Variants in NPFFR2 observed in about 807,000 individuals in gnomAD.
The protein encoded by NPFFR2 is G-protein coupled receptor 74.
A neutral mutation model predicts 13.1 loss-of-function variants in NPFFR2; 15 were observed. That is an observed-to-expected ratio of 1.15 (90% CI 0.77 to 1.76). The LOEUF is 1.76. NPFFR2 is among the 40% of genes most tolerant of loss of function. NPFFR2 has a pLI of 0.00. For missense variants in NPFFR2, 572 were observed against 503.5 expected (o/e 1.14, Z -1.30); for synonymous variants, 190 against 175.7 (o/e 1.08, Z -0.65).
chr4:72,143,061 C>T (rs1236261354), intron 3 of NPFFR2, among the ~76,000 whole-genome samples: 1 of 152,088 alleles, frequency 6.6e-6, no homozygotes, highest in Non-Finnish European at 1.5e-5. Flanking sequence ...CTGGAGAAGT[C>T]AGAAATTTAC....
intron 1 of NPFFR2, among the ~76,000 whole-genome samples, chr4:72,094,440 A>G (rs917972886): frequency 4.6e-5 from 7 of 152,156 alleles, no homozygotes; most frequent in Admixed American, 3.3e-4. Context: ...CTTTGTCTTC[A>G]GCTACCAGGG....
At chr4:72,110,381 G>A (rs1721532552) in intron 1 of NPFFR2, among the ~76,000 whole-genome samples, 1 of 151,936 alleles carries the variant, frequency 6.6e-6, no homozygotes, top group African/African-American at 2.4e-5. Flanking sequence ...TCTCAAATAT[G>A]TCTTTATTAG....
At chr4:72,125,389 T>C (rs539789758) in intron 1 of NPFFR2, among the ~76,000 whole-genome samples, 2 of 152,236 alleles carry the variant, frequency 1.3e-5, no homozygotes, top group East Asian at 1.9e-4. Flanking sequence ...ACTATGTATA[T>C]AGAAAGTCCA....
At chr4:72,146,857 C>T (rs1345961401) in intron 3 of NPFFR2, 121 bp from the exon 4 acceptor site, 2 of 678,002 alleles carry the variant, frequency 2.9e-6, no homozygotes, top group Admixed American at 5.0e-5. Flanking sequence ...CAAATGGTAA[C>T]TTTCTATATT....
chr4:72,042,269 A>G (rs1578417274), intron 1 of NPFFR2, among the ~76,000 whole-genome samples: 1 of 152,106 alleles, frequency 6.6e-6, no homozygotes, highest in African/African-American at 2.4e-5. Flanking sequence ...CATAATTGTA[A>G]GTTTTCTGAG....
At chr4:72,078,410 G>A (rs991566256) in intron 1 of NPFFR2, among the ~76,000 whole-genome samples, 1 of 152,126 alleles carries the variant, frequency 6.6e-6, no homozygotes, top group Non-Finnish European at 1.5e-5. Flanking sequence ...AACAAAAAAC[G>A]ATTAGCATGA....
intron 1 of NPFFR2, among the ~76,000 whole-genome samples, chr4:72,076,326 G>T (rs1008283206): frequency 6.6e-6 from 1 of 151,822 alleles, no homozygotes; most frequent in African/African-American, 2.4e-5. Context: ...TGTATTTTTG[G>T]TATTTTGAGA....
chr4:72,062,918 G>A (rs1296883931), intron 1 of NPFFR2, among the ~76,000 whole-genome samples: 2 of 148,108 alleles, frequency 1.4e-5, no homozygotes, highest in African/African-American at 5.0e-5. Flanking sequence ...CTTCATATTA[G>A]TTGAATTTCT....
At chr4:72,049,823 A>G (rs1719489975) in intron 1 of NPFFR2, among the ~76,000 whole-genome samples, 1 of 152,154 alleles carries the variant, frequency 6.6e-6, no homozygotes, top group Non-Finnish European at 1.5e-5. Context: ...AGCACCTTTT[A>G]TTATAATGTA....
intron 1 of NPFFR2, among the ~76,000 whole-genome samples, chr4:72,048,588 A>T (rs1271715759): frequency 6.6e-6 from 1 of 152,038 alleles, no homozygotes; most frequent in Non-Finnish European, 1.5e-5. Flanking sequence ...TAAAAGAGAA[A>T]CATCTATATT....
chr4:72,054,392 CT>C (rs1480204527), intron 1 of NPFFR2, among the ~76,000 whole-genome samples: 1 of 151,816 alleles, frequency 6.6e-6, no homozygotes, highest in Non-Finnish European at 1.5e-5. Flanking sequence ...AAAGGTTAAT[CT>C]TTTCAATAAA....
intron 2 of NPFFR2, 86 bp downstream of exon 2, chr4:72,129,005 CATTT>C: frequency 1.0e-6 from 1 of 1,003,702 alleles, no homozygotes. Flanking sequence ...TTCATTCATT[CATTT>C]ATTTACATAT....
chr4:72,105,510 A>G (rs980217483), intron 1 of NPFFR2, among the ~76,000 whole-genome samples: 2 of 152,022 alleles, frequency 1.3e-5, no homozygotes, highest in Non-Finnish European at 2.9e-5. Context: ...TCTCAATCTA[A>G]GAGTATTCTA....
At chr4:72,105,157 A>T (rs1208804157) in intron 1 of NPFFR2, among the ~76,000 whole-genome samples, 1 of 151,778 alleles carries the variant, frequency 6.6e-6, no homozygotes, top group Non-Finnish European at 1.5e-5. Flanking sequence ...GAAAGTAGCC[A>T]ATAAAAATGA....
chr4:72,128,507 C>T, intron 1 of NPFFR2, 78 bp from the exon 2 acceptor site: 2 of 796,280 alleles, frequency 2.5e-6, no homozygotes, highest in Non-Finnish European at 3.9e-6. Context: ...TACAAGTGTT[C>T]CTCTTAAACT....
At chr4:72,069,001 G>C in intron 1 of NPFFR2, 1 of 1,372,022 alleles carries the variant, frequency 7.3e-7, no homozygotes, top group Non-Finnish European at 9.7e-7. Flanking sequence ...TAAGAGTGAA[G>C]CATGTAGATC....
chr4:72,066,076 C>A (rs945285877), intron 1 of NPFFR2, among the ~76,000 whole-genome samples: 9 of 152,172 alleles, frequency 5.9e-5, no homozygotes, highest in African/African-American at 2.2e-4. Flanking sequence ...TCCCATAGTT[C>A]CGGAGCTTTG....
chr4:72,090,868 G>T (rs1376482302), intron 1 of NPFFR2, among the ~76,000 whole-genome samples: 2 of 152,108 alleles, frequency 1.3e-5, no homozygotes, highest in African/African-American at 4.8e-5. Flanking sequence ...TGAAATAGAA[G>T]TGGTGAAAGT....
At chr4:72,076,004 C>CAGAG (rs1159606453) in intron 1 of NPFFR2, among the ~76,000 whole-genome samples, 2 of 53,052 alleles carry the variant, frequency 3.8e-5, no homozygotes, top group Non-Finnish European at 5.1e-5. Context: ...CACACACACA[C>CAGAG]ACAGAGAGAG....
Sources: gnomAD v4.1 joint callset for allele counts (sites outside exome capture counted in the v4.1 genomes callset) on GRCh38, gnomAD v4.1.1 for gene constraint, MANE v1.5 for transcripts, NCBI Gene and HGNC (gene_info 2026-07-23, HGNC 2026-07-21) for gene names.